XIRP2: variants seen among roughly 807,000 people sequenced by gnomAD.
The protein encoded by XIRP2 is xin actin-binding repeat-containing protein 2.
XIRP2 carries 236 observed loss-of-function variants against 277.0 expected under a neutral mutation model. The observed-to-expected ratio is 0.85, with a 90% CI of 0.77 to 0.95. The LOEUF (loss-of-function observed/expected upper bound fraction) is 0.95, where lower values mean the gene tolerates loss of function less well. Among genes scored for constraint, XIRP2 ranks in the 40% least tolerant of loss-of-function variants. XIRP2 has a pLI of 0.00. For synonymous variants in XIRP2, 1,490 were observed against 1,416.5 expected, an observed-to-expected ratio of 1.05 and a Z score of -1.17; for missense variants, 4,640 against 4,157.5, an observed-to-expected ratio of 1.12 and a Z score of -3.19.
intron 2 of XIRP2, among the ~76,000 whole-genome samples, chr2:167,065,638 T>C (rs896888034): frequency 6.6e-6 from 1 of 151,888 alleles, no homozygotes; most frequent in African/African-American, 2.4e-5. Flanking sequence ...CGTTTTCAAT[T>C]GAAAAAGTGT....
At chr2:167,040,555 C>T (rs1347572091) in intron 2 of XIRP2, among the ~76,000 whole-genome samples, 1 of 152,134 alleles carries the variant, frequency 6.6e-6, no homozygotes, top group Non-Finnish European at 1.5e-5. Context: ...ATCCAGCCTG[C>T]AAAGAGTCCA....
At chr2:167,039,037 C>G (rs1467579730) in intron 2 of XIRP2, among the ~76,000 whole-genome samples, 2 of 151,914 alleles carry the variant, frequency 1.3e-5, no homozygotes, top group African/African-American at 4.8e-5. Context: ...TTCTTTGAAC[C>G]AATTCTATTT....
At chr2:167,065,101 T>C (rs1326236186) in intron 2 of XIRP2, among the ~76,000 whole-genome samples, 1 of 151,984 alleles carries the variant, frequency 6.6e-6, no homozygotes, top group East Asian at 1.9e-4. Context: ...GAGGCTGCAC[T>C]ATTCTACACT....
At chr2:166,944,933 G>A (rs1270041106) in intron 2 of XIRP2, among the ~76,000 whole-genome samples, 1 of 132,448 alleles carries the variant, frequency 7.6e-6, no homozygotes, top group Non-Finnish European at 1.6e-5. Flanking sequence ...GCTGGTTCCT[G>A]AGGTATCTTC....
intron 9 of XIRP2, among the ~76,000 whole-genome samples, chr2:167,252,618 T>G (rs1215158653): frequency 6.6e-6 from 1 of 151,926 alleles, no homozygotes; most frequent in East Asian, 1.9e-4. Flanking sequence ...CATTTAAAAA[T>G]TTTGATTTTA....
chr2:166,925,597 A>G (rs1331952622), intron 2 of XIRP2, among the ~76,000 whole-genome samples: 75 of 14,330 alleles, frequency 5.2e-3, no homozygotes, highest in African/African-American at 0.043. Flanking sequence ...GTGTATATAC[A>G]TATATATATA....
intron 2 of XIRP2, among the ~76,000 whole-genome samples, chr2:167,044,932 C>G (rs997746957): frequency 1.3e-5 from 2 of 150,758 alleles, no homozygotes; most frequent in Non-Finnish European, 3.0e-5. Context: ...AAAAAGAACT[C>G]AAATGCCTAA....
intron 2 of XIRP2, among the ~76,000 whole-genome samples, chr2:166,911,214 T>G (rs377098099): frequency 1.1e-4 from 17 of 152,084 alleles, no homozygotes; most frequent in African/African-American, 2.9e-4. Context: ...ACAGTGGGGT[T>G]TTAAAGTCTC....
At chr2:167,227,304 G>A (rs1218684480) in intron 5 of XIRP2, among the ~76,000 whole-genome samples, 2 of 152,082 alleles carry the variant, frequency 1.3e-5, no homozygotes, top group South Asian at 2.1e-4. Flanking sequence ...ATAAATATTA[G>A]CCAAGCAAAC....
In XIRP2 at chr2:167,078,520, A is replaced by G. The variant is rs1308956345; in HGVS notation, c.409-57389A>G. On this transcript the variant is annotated intron_variant, in intron 2 of 10. Coordinates refer to ENST00000409195, the MANE Select transcript of XIRP2 (RefSeq NM_152381.6). ...TCCAGTACTATTAGGTTGGTGCAAA[A>G]GTAATTGCGGTTTTTGCCTTTAACG... Among the ~76,000 whole-genome samples the G allele has an allele frequency of 1.3e-5, 2 of 152,032 alleles. 1 individual carries two copies. The highest frequency in any genetic ancestry group is 4.1e-4 in the South Asian group (2 of 4,826).
In XIRP2 at chr2:167,245,532, G is replaced by A; in HGVS notation, c.4140G>A (p.Gln1380=). Reference sequence around the variant, plus strand: ...AATCTGTCACACAAGAAGACATTCAGAAGGGAGATGTTAGTTCTGTCAGAT... The same window carrying A: ...AATCTGTCACACAAGAAGACATTCAAAAGGGAGATGTTAGTTCTGTCAGAT... The part of the protein sequence containing the change: ...VIKSVTQEDI[Q]KGDVSSVRYR... Residue 1380 remains glutamine, a synonymous_variant, in exon 9 of 11, where the codon CAG becomes CAA. Transcript: ENST00000409195. 1 of 1,613,602 alleles carries A rather than the reference G, an allele frequency of 6.2e-7. No homozygotes were observed. Among genetic ancestry groups the A allele is most frequent in the Non-Finnish European group, 8.5e-7 (1 of 1,179,750 alleles).
At chr2:167,094,747 A>C (rs1001380656) in intron 2 of XIRP2, among the ~76,000 whole-genome samples, 1 of 152,046 alleles carries the variant, frequency 6.6e-6, no homozygotes. Flanking sequence ...AAGTCAGGTA[A>C]CGTGATGCCT....
intron 2 of XIRP2, among the ~76,000 whole-genome samples, chr2:167,068,758 G>C (rs1261566493): frequency 6.6e-6 from 1 of 152,082 alleles, no homozygotes; most frequent in African/African-American, 2.4e-5. Context: ...CATGGCCCAG[G>C]GGTCGCATGC....
chr2:167,105,197 A>T (rs1297719165), intron 2 of XIRP2, among the ~76,000 whole-genome samples: 1 of 151,970 alleles, frequency 6.6e-6, no homozygotes, highest in Non-Finnish European at 1.5e-5. Flanking sequence ...TAACATCTTG[A>T]AGAACTACAA....
chr2:167,251,356 G>T lies in XIRP2; in HGVS notation c.9964G>T (p.Ala3322Ser). The T allele has an allele frequency of 6.2e-7, 1 of 1,613,550 alleles. No homozygotes were observed. The highest frequency in any genetic ancestry group is 8.5e-7 in the Non-Finnish European group (1 of 1,179,658). The part of the protein sequence containing the change: ...YEAANRTVQM[A>S]ENFVNDPENE... ...AGCGGCCAACCGAACTGTTCAAATG[G>T]CTGAAAATTTCGTGAATGACCCTGA... Residue 3322 changes from alanine to serine, a missense_variant, in exon 9 of 11, where the codon GCT becomes TCT. Ala to Ser is a moderately conservative substitution (Grantham distance 99). Coordinates refer to ENST00000409195, the MANE Select transcript of XIRP2 (RefSeq NM_152381.6).
At chr2:166,972,721 C>G (rs2105422079) in intron 2 of XIRP2, among the ~76,000 whole-genome samples, 1 of 152,318 alleles carries the variant, frequency 6.6e-6, no homozygotes, top group Non-Finnish European at 1.5e-5. Context: ...GAGGTTTTCA[C>G]ATACAATTCT....
intron 3 of XIRP2, among the ~76,000 whole-genome samples, chr2:167,165,819 A>G (rs1692507638): frequency 6.6e-6 from 1 of 152,118 alleles, no homozygotes; most frequent in Non-Finnish European, 1.5e-5. Context: ...GCTGTCTTTC[A>G]TGGAGCAGAA....
At chr2:167,010,106 T>C (rs1428012248) in intron 2 of XIRP2, among the ~76,000 whole-genome samples, 3 of 152,116 alleles carry the variant, frequency 2.0e-5, no homozygotes, top group Non-Finnish European at 4.4e-5. Context: ...TTTGTTGCCA[T>C]TGCTTTTGGT....
intron 2 of XIRP2, among the ~76,000 whole-genome samples, chr2:166,998,554 G>A (rs887762206): frequency 2.6e-5 from 4 of 152,006 alleles, no homozygotes; most frequent in Admixed American, 1.3e-4. Context: ...GGAGAATGGC[G>A]TGAACCCAGG....
Sources: gnomAD v4.1 joint callset for allele counts (sites outside exome capture counted in the v4.1 genomes callset) on GRCh38, gnomAD v4.1.1 for gene constraint, MANE v1.5 for transcripts, NCBI Gene and HGNC (gene_info 2026-07-23, HGNC 2026-07-21) for gene names.